Variants in GIGYF2 observed in about 807,000 individuals in gnomAD.
GIGYF2 encodes GRB10-interacting GYF protein 2.
GIGYF2 carries 25 observed loss-of-function variants against 208.1 expected under a neutral mutation model. The ratio of observed to expected loss-of-function variants is 0.12; its 90% CI spans 0.09 to 0.17. The LOEUF (loss-of-function observed/expected upper bound fraction) is 0.17, where lower values mean the gene tolerates loss of function less well. Ranked by LOEUF, GIGYF2 falls within the 10% of genes least tolerant of loss-of-function variation. GIGYF2 has a pLI of 1.00. For synonymous variants in GIGYF2, 534 were observed against 543.8 expected, an observed-to-expected ratio of 0.98 and a Z score of 0.25; for missense variants, 1,302 against 1,579.4, an observed-to-expected ratio of 0.82 and a Z score of 2.98.
chr2:232,819,676 C>A, intron 20 of GIGYF2, 151 bp from the exon 21 acceptor site: 3 of 603,478 alleles, frequency 5.0e-6, no homozygotes, highest in South Asian at 2.2e-5. Flanking sequence ...TACATGTATA[C>A]TTTTTACTCC....
At chr2:232,705,695 G>A (rs190341567) in intron 2 of GIGYF2, 5 of 152,468 alleles carry the variant, frequency 3.3e-5, no homozygotes, top group Non-Finnish European at 5.8e-5. Context: ...GTGAGCCACC[G>A]TGTGTGGCCT....
chr2:232,771,381 A>G, intron 8 of GIGYF2: 5 of 1,562,318 alleles, frequency 3.2e-6, no homozygotes, highest in Non-Finnish European at 4.4e-6. Flanking sequence ...GTATTTCTCT[A>G]AAATCAAGAG....
intron 23 of GIGYF2, among the ~76,000 whole-genome samples, chr2:232,841,461 A>ATT (rs57307878): frequency 8.6e-5 from 12 of 138,792 alleles, no homozygotes; most frequent in Admixed American, 2.2e-4. Context: ...ACCACCAGCT[A>ATT]TTTTTTTTTT....
chr2:232,768,765 A>G, intron 8 of GIGYF2: 3 of 1,600,456 alleles, frequency 1.9e-6, no homozygotes, highest in Non-Finnish European at 2.6e-6. Context: ...AGTAAAGCGA[A>G]TTGAAAAAGC....
At chr2:232,828,715 T>TA (rs1299614071) in intron 21 of GIGYF2, 2 of 152,302 alleles carry the variant, frequency 1.3e-5, no homozygotes, top group South Asian at 2.1e-4. Context: ...CTGAAGTTAG[T>TA]ATACAACCCC....
chr2:232,746,310 CTG>C (rs1698149614), intron 3 of GIGYF2, among the ~76,000 whole-genome samples: 1 of 152,032 alleles, frequency 6.6e-6, no homozygotes, highest in South Asian at 2.1e-4. Context: ...CACATATTTA[CTG>C]TGTTTTACTT....
chr2:232,734,109 C>CTTTTTTTTTTTTTTTTTTTTTTTTATTTT (rs35593823), intron 2 of GIGYF2, among the ~76,000 whole-genome samples: 1 of 122,472 alleles, frequency 8.2e-6, no homozygotes, highest in Non-Finnish European at 1.7e-5. Context: ...TATTTTAAAA[C>CTTTTTTTTTTTTTTTTTTTTTTTTATTTT]TTTTTTTTTT....
At chr2:232,756,195 C>CTTTT in intron 5 of GIGYF2, 28 bp from the exon 6 acceptor site, 2 of 1,023,750 alleles carry the variant, frequency 2.0e-6, no homozygotes, top group Non-Finnish European at 1.4e-6. Context: ...TTTCCTTTTT[C>CTTTT]TCTTTTTTTT....
intron 3 of GIGYF2, chr2:232,736,283 T>G (rs1328986227): frequency 1.8e-6 from 1 of 550,708 alleles, no homozygotes; most frequent in East Asian, 1.4e-4. Context: ...TTAAAATGAT[T>G]TTCTTAGTAT....
intron 12 of GIGYF2, among the ~76,000 whole-genome samples, chr2:232,793,873 G>C (rs767558926): frequency 9.9e-5 from 15 of 152,150 alleles, no homozygotes; most frequent in Non-Finnish European, 2.1e-4. Flanking sequence ...TAAGAGATTG[G>C]ATGAGGAAGA....
chr2:232,830,467 C>T (rs1359844174), intron 21 of GIGYF2, among the ~76,000 whole-genome samples: 1 of 151,818 alleles, frequency 6.6e-6, no homozygotes, highest in Non-Finnish European at 1.5e-5. Flanking sequence ...ATTTTCAGAA[C>T]AGTGTTAGAT....
intron 2 of GIGYF2, among the ~76,000 whole-genome samples, chr2:232,717,434 C>T (rs531659396): frequency 1.3e-5 from 2 of 152,234 alleles, no homozygotes; most frequent in South Asian, 4.2e-4. Flanking sequence ...GTAGTCACCA[C>T]TTAGATCATG....
rs2106384969 is a variant in GIGYF2, at chr2:232,811,249, A to G, written c.1904A>G (p.Gln635Arg). The change falls in exon 17 of 29, where the codon CAA becomes CGA. Residue 635 changes from glutamine to arginine, a missense_variant. Gln to Arg is a conservative substitution (Grantham distance 43, BLOSUM62 1). This residue lies in a region of GIGYF2 where 701 missense variants were observed against 793.0 expected (regional missense o/e 0.88). Transcript: ENST00000373563. Reference protein sequence around the residue: ...LQYQQFLIQQQYAQVLAQQQK... With the variant: ...LQYQQFLIQQRYAQVLAQQQK... ...TTTTTTTTTACTTTTTGAAGACAAC[A>G]ATATGCACAGGTTTTGGCCCAACAG... 1.3e-6 allele frequency: 2 copies of G among 1,587,094 alleles called. No individual in the cohort carries two copies. Among genetic ancestry groups the G allele is most frequent in the Non-Finnish European group, 8.7e-7 (1 of 1,155,484 alleles).
rs78208511 is a variant in GIGYF2, at chr2:232,710,390, T to C, written c.-44+6901T>C. 9.9e-3 allele frequency among the ~76,000 whole-genome samples: 1,507 copies of C among 152,284 alleles called. 29 individuals carry two copies. Among genetic ancestry groups the C allele is most frequent in the African/African-American group, 0.034 (1,404 of 41,576 alleles). ...CAGGTATCAGCTACCATACCAGCCATCTTTGTGCGTTTTGAATAGACATGT... is the reference window on the plus strand; with the variant it reads ...CAGGTATCAGCTACCATACCAGCCACCTTTGTGCGTTTTGAATAGACATGT... On this transcript the variant is annotated intron_variant, in intron 2 of 28. Coordinates refer to ENST00000373563, the MANE Select transcript of GIGYF2 (RefSeq NM_001103146.3).
intron 2 of GIGYF2, among the ~76,000 whole-genome samples, chr2:232,720,585 T>TATATATATATA (rs772814342): frequency 8.7e-5 from 11 of 126,310 alleles, no homozygotes; most frequent in African/African-American, 3.2e-4. Context: ...ATATATATAT[T>TATATATATATA]TTTGTTTGTT....
At position 232,858,566 on chromosome 2, in the gene GIGYF2, G is replaced by A. The variant is rs775973257; in HGVS notation, c.*1706G>A. On this transcript the variant is annotated 3_prime_UTR_variant, in exon 29 of 29. Coordinates refer to ENST00000373563, the MANE Select transcript of GIGYF2 (RefSeq NM_001103146.3). ...TGTTTACAAAACTTTAGGCTCCCTC[G>A]GAACTTTTGCCAGTGTGGAGGAAAA... is the stretch of plus-strand genomic sequence containing the variant. 1.3e-4 allele frequency: 57 copies of A among 455,808 alleles called. No individual in the cohort carries two copies. The highest frequency in any genetic ancestry group is 2.2e-4 in the Non-Finnish European group (50 of 226,696). The allele number at this position is 455,808 out of a possible 1,614,324, so 28.2% of individuals were successfully genotyped here.
intron 2 of GIGYF2, among the ~76,000 whole-genome samples, chr2:232,711,192 A>G (rs986918570): frequency 2.7e-5 from 4 of 147,272 alleles, no homozygotes; most frequent in Admixed American, 6.8e-5. Flanking sequence ...ACCTCTGCCT[A>G]TCCTCCCACC....
At chr2:232,771,643 T>C (rs1399313670) in intron 8 of GIGYF2, among the ~76,000 whole-genome samples, 1 of 152,240 alleles carries the variant, frequency 6.6e-6, no homozygotes, top group Non-Finnish European at 1.5e-5. Context: ...TTTCTAAGTA[T>C]ATTTTAGAAT....
intron 22 of GIGYF2, among the ~76,000 whole-genome samples, chr2:232,836,307 TATATATATATATATATATATATAC>T (rs1701612924): frequency 3.0e-4 from 6 of 20,014 alleles, no homozygotes; most frequent in South Asian, 2.3e-3. Flanking sequence ...TATATATATA[TATATATATATATATATATATATAC>T]ATATATATAC....
Sources: gnomAD v4.1 joint callset for allele counts (sites outside exome capture counted in the v4.1 genomes callset) on GRCh38, gnomAD v4.1.1 for gene constraint, gnomAD v4.1.1 regional missense constraint, MANE v1.5 for transcripts, NCBI Gene and HGNC (gene_info 2026-07-23, HGNC 2026-07-21) for gene names.